Variants in KLK3 observed in about 807,000 individuals in gnomAD.
KLK3 encodes prostate-specific antigen.
KLK3 carries 23 observed loss-of-function variants against 27.7 expected under a neutral mutation model. The observed-to-expected ratio is 0.83, with a 90% CI of 0.60 to 1.17. The LOEUF (loss-of-function observed/expected upper bound fraction) is 1.17, where lower values mean the gene tolerates loss of function less well. Ranked by LOEUF, KLK3 falls within the 50% of genes most tolerant of loss-of-function variation. The pLI is 0.00. For missense variants in KLK3, 322 were observed against 338.1 expected (o/e 0.95, Z 0.37); for synonymous variants, 142 against 134.2 (o/e 1.06, Z -0.40).
intron 2 of KLK3, 178 bp from the exon 3 acceptor site, chr19:50,857,851 C>T: frequency 1.6e-6 from 1 of 623,992 alleles, no homozygotes; most frequent in Non-Finnish European, 2.8e-6. Context: ...CCTTCACCCT[C>T]TCACACTGCT....
At chr19:50,855,318 A>C in intron 1 of KLK3, 6 of 401,548 alleles carry the variant, frequency 1.5e-5, no homozygotes, top group Admixed American at 3.8e-5. Context: ...GGGGCTCAAA[A>C]CCTCCAAGGA....
chr19:50,855,933 A>C (rs2090143921), intron 1 of KLK3: 3 of 242,910 alleles, frequency 1.2e-5, no homozygotes, highest in Non-Finnish European at 1.6e-5. Context: ...ACCACAAAGG[A>C]CCCAATCCCC....
intron 2 of KLK3, 103 bp from the exon 3 acceptor site, chr19:50,857,926 C>A: frequency 7.8e-7 from 1 of 1,273,918 alleles, no homozygotes; most frequent in Non-Finnish European, 1.1e-6. Context: ...GTGTTTTTCT[C>A]ACTGTTTCTT....
chr19:50,854,937 C>A lies in KLK3; in HGVS notation c.-19C>A, dbSNP rs1010956554. On this transcript the variant is annotated 5_prime_UTR_variant, in exon 1 of 5. Transcript: ENST00000326003. The stretch of plus-strand genomic sequence containing the variant: ...CCCAGCCCCAAGCTTACCACCTGCA[C>A]CCGGAGAGCTGTGTCACCATGTGGG... 5 of 1,613,624 alleles carry A rather than the reference C, an allele frequency of 3.1e-6. No individual in the cohort carries two copies. The African/African-American group carries it at 6.7e-5, about 22-fold the overall frequency.
At chr19:50,857,667 C>G (rs1249301573) in intron 2 of KLK3, 9 of 171,848 alleles carry the variant, frequency 5.2e-5, no homozygotes, top group Non-Finnish European at 7.3e-5. Context: ...TTTTGTTCTT[C>G]TCTCTCTCTT....
At position 50,857,874 on chromosome 19, in the gene KLK3, G is replaced by A. The variant is rs2090158912; in HGVS notation, c.207-155G>A. On this transcript the variant is annotated intron_variant, in intron 2 of 4. Transcript: ENST00000326003. ...CTCTCACACTGCTGTTTCCCAACTC[G>A]TTGTCTGTATTTTTGGCCTGAACTG... 7.2e-6 allele frequency: 5 copies of A among 698,330 alleles called. No homozygotes were observed. In the South Asian group the frequency reaches 8.1e-5, roughly 11 times the overall value. 43.3% of individuals were successfully genotyped at this position (698,330 alleles called of 1,614,324 possible). A position where few individuals can be genotyped will look rare whatever the true frequency, so the allele number is the denominator to read the frequency against.
At chr19:50,855,244 G>A (rs55661885) in intron 1 of KLK3, 57,463 of 549,032 alleles carry the variant, frequency 0.1, 4,006 homozygotes, top group African/African-American at 0.27. Flanking sequence ...TGCCCAGCCA[G>A]CTCCCTGCTC....
chr19:50,858,168 G>A lies in KLK3; in HGVS notation c.346G>A (p.Asp116Asn), dbSNP rs776860388. ...LKNRFLRPGDDSSHDLMLLRL... is the reference protein window; with the variant it reads ...LKNRFLRPGDNSSHDLMLLRL... ...GAATCGATTCCTCAGGCCAGGTGAT[G>A]ACTCCAGCCACGACCTCATGCTGCT... is the stretch of plus-strand genomic sequence containing the variant. Residue 116 changes from aspartate to asparagine, a missense_variant, in exon 3 of 5, where the codon GAC (aspartate) becomes AAC (asparagine). Physicochemically the swap from Asp to Asn is conservative, Grantham distance 23 (BLOSUM62 1). Coordinates refer to ENST00000326003, the MANE Select transcript of KLK3 (RefSeq NM_001648.2). 6.2e-7 allele frequency: 1 copy of A among 1,614,088 alleles called. No individual in the cohort carries two copies. Among genetic ancestry groups the A allele is most frequent in the Non-Finnish European group, 8.5e-7 (1 of 1,180,042 alleles).
Position 50,858,172 on chromosome 19 carries a change from C to G in KLK3, c.350C>G (p.Ser117Cys). The change falls in exon 3 of 5, where the codon TCC becomes TGC. Residue 117 changes from serine (S) to cysteine (C), a missense_variant. Transcript: ENST00000326003. ...KNRFLRPGDDSSHDLMLLRLS... is the reference protein window; with the variant it reads ...KNRFLRPGDDCSHDLMLLRLS... ...CGATTCCTCAGGCCAGGTGATGACT[C>G]CAGCCACGACCTCATGCTGCTCCGC... 6.2e-7 allele frequency: 1 copy of G among 1,614,192 alleles called. No homozygotes were observed. The highest frequency in any genetic ancestry group is 8.5e-7 in the Non-Finnish European group (1 of 1,180,032).
chr19:50,860,307 C>T lies in KLK3; in HGVS notation c.*180C>T. ...TGTTTCTTAAATGGTGTAATTTTGT[C>T]CTCTCTGTGTCCTGGGGAATACTGG... is the stretch of plus-strand genomic sequence containing the variant. On this transcript the variant is annotated 3_prime_UTR_variant, in exon 5 of 5. Transcript: ENST00000326003. The T allele has an allele frequency of 1.9e-6, 1 of 530,222 alleles. No individual in the cohort carries two copies. Among genetic ancestry groups the T allele is most frequent in the East Asian group, 3.1e-5 (1 of 32,702 alleles). The allele number at this position is 530,222 out of a possible 1,614,324, so 32.8% of individuals were successfully genotyped here. A position where few individuals can be genotyped will look rare whatever the true frequency, so the allele number is the denominator to read the frequency against.
chr19:50,859,789 C>T, intron 4 of KLK3, 183 bp from the exon 5 acceptor site: 1 of 1,467,362 alleles, frequency 6.8e-7, no homozygotes, highest in African/African-American at 1.4e-5. Flanking sequence ...GGACTGGAGC[C>T]CCTACCCCTC....
intron 4 of KLK3, chr19:50,859,596 C>T (rs756417848): frequency 6.3e-5 from 102 of 1,613,596 alleles, no homozygotes; most frequent in Non-Finnish European, 8.2e-5. Flanking sequence ...CTCCCTAGTG[C>T]CCTGGAGAGG....
At position 50,859,411 on chromosome 19, in the gene KLK3, A is replaced by T. The variant is rs2090170258; in HGVS notation, c.631-561A>T. The T allele has an allele frequency of 3.1e-5, 23 of 737,370 alleles. No individual in the cohort carries two copies. In the South Asian group the frequency reaches 3.6e-4, roughly 12 times the overall value. The allele number at this position is 737,370 out of a possible 1,614,324, so 45.7% of individuals were successfully genotyped here. ...CAGCAGGGATGTGGAGGGAGTGATGATGGGGCTGACCTGGGGGTGGCTCCA... is the reference window on the plus strand; with the variant it reads ...CAGCAGGGATGTGGAGGGAGTGATGTTGGGGCTGACCTGGGGGTGGCTCCA... On this transcript the variant is annotated intron_variant, in intron 4 of 4. Transcript: ENST00000326003.
chr19:50,855,070 TC>T (rs770560353), intron 1 of KLK3, 69 bp downstream of exon 1: 11 of 1,546,162 alleles, frequency 7.1e-6, no homozygotes, highest in South Asian at 1.1e-5. Context: ...TGAGGCTCTT[TC>T]CCCCCCAACC....
chr19:50,856,617 G>A (rs1315185595), intron 2 of KLK3: 8 of 521,850 alleles, frequency 1.5e-5, no homozygotes, highest in Admixed American at 7.2e-5. Flanking sequence ...TCTTTGTGTC[G>A]CTTTCATTAT....
At position 50,858,269 on chromosome 19, in the gene KLK3, G is replaced by T. The variant is rs147547638; in HGVS notation, c.447G>T (p.Gly149=). The T allele has an allele frequency of 3.1e-6, 5 of 1,614,140 alleles. No homozygotes were observed. Among genetic ancestry groups the T allele is most frequent in the Non-Finnish European group, 4.2e-6 (5 of 1,180,028 alleles). ...MDLPTQEPAL[G]TTCYASGWGS... is the part of the protein sequence containing the mutation. ...TGCCCACCCAGGAGCCAGCACTGGG[G>T]ACCACCTGCTACGCCTCAGGCTGGG... Residue 149 remains glycine, a synonymous_variant, in exon 3 of 5, where the codon GGG becomes GGT. Coordinates refer to ENST00000326003, the MANE Select transcript of KLK3 (RefSeq NM_001648.2).
At chr19:50,859,799 CT>C in intron 4 of KLK3, 172 bp from the exon 5 acceptor site, 2 of 1,467,008 alleles carry the variant, frequency 1.4e-6, no homozygotes, top group Non-Finnish European at 9.0e-7. Flanking sequence ...CCCTACCCCT[CT>C]GTTGGAATCC....
At chr19:50,859,775 G>A in intron 4 of KLK3, 197 bp from the exon 5 acceptor site, 1 of 1,471,390 alleles carries the variant, frequency 6.8e-7, no homozygotes, top group East Asian at 2.5e-5. Context: ...TTCCCCACCG[G>A]CCAGGACTGG....
At position 50,858,228 on chromosome 19, in the gene KLK3, G is replaced by T. The variant is rs149427770; in HGVS notation, c.406G>T (p.Val136Leu). The change falls in exon 3 of 5, where the codon GTG (valine) becomes TTG (leucine). Residue 136 changes from valine to leucine, a missense_variant. Val to Leu is a conservative substitution (Grantham distance 32, BLOSUM62 1). Coordinates refer to ENST00000326003, the MANE Select transcript of KLK3 (RefSeq NM_001648.2). ...LSEPAELTDA[V>L]KVMDLPTQEP... is the part of the protein sequence containing the mutation. Reference sequence around the variant, plus strand: ...AGAGCCTGCCGAGCTCACGGATGCTGTGAAGGTCATGGACCTGCCCACCCA... The same window carrying T: ...AGAGCCTGCCGAGCTCACGGATGCTTTGAAGGTCATGGACCTGCCCACCCA... 5.6e-6 allele frequency: 9 copies of T among 1,614,224 alleles called. No individual in the cohort carries two copies. The South Asian group carries it at 7.7e-5, about 14-fold the overall frequency.
Sources: allele counts gnomAD v4.1 joint callset, GRCh38; gene constraint gnomAD v4.1.1; transcripts MANE v1.5; gene names NCBI Gene and HGNC (gene_info 2026-07-23, HGNC 2026-07-21).